The following PCDH15 variants were observed in gnomAD, a reference collection of about 807,000 sequenced individuals.
PCDH15 encodes the protein protocadherin related 15.
In PCDH15, 129 loss-of-function variants were observed where a neutral mutation model predicts 178.5. The observed-to-expected ratio is 0.72, with a 90% CI of 0.63 to 0.84. The LOEUF is 0.84. PCDH15 is among the 40% of genes least tolerant of loss of function. The pLI is 0.00. For synonymous variants in PCDH15, 800 were observed against 732.0 expected (o/e 1.09, Z -1.50); for missense variants, 2,230 against 2,099.9 (o/e 1.06, Z -1.21).
chr10:55,378,192 G>A (rs936266504), intron 2 of PCDH15, among the ~76,000 whole-genome samples: 1 of 152,040 alleles, frequency 6.6e-6, no homozygotes, highest in Non-Finnish European at 1.5e-5. Context: ...CTGTATCCCA[G>A]AACTTAAAGT....
At chr10:54,762,360 G>A (rs1425891822) in intron 1 of PCDH15, among the ~76,000 whole-genome samples, 2 of 152,012 alleles carry the variant, frequency 1.3e-5, no homozygotes, top group Non-Finnish European at 2.9e-5. Context: ...AATATGTTTA[G>A]GAAAACACAG....
intron 13 of PCDH15, among the ~76,000 whole-genome samples, chr10:54,164,894 C>T (rs2046065454): frequency 6.6e-6 from 1 of 152,144 alleles, no homozygotes; most frequent in South Asian, 2.1e-4. Context: ...TTAATTAAAG[C>T]TAAATCAACT....
intron 2 of PCDH15, among the ~76,000 whole-genome samples, chr10:55,442,608 T>C (rs1341513026): frequency 6.6e-6 from 1 of 150,494 alleles, no homozygotes; most frequent in East Asian, 1.9e-4. Context: ...CCTTTGTAGC[T>C]ATGACTCAGA....
chr10:53,837,955 ATTATTTAT>A (rs67884582), intron 29 of PCDH15, among the ~76,000 whole-genome samples: 15,867 of 146,514 alleles, frequency 0.11, 1,053 homozygotes, highest in African/African-American at 0.17. Context: ...ATAAACATAT[ATTATTTAT>A]TTATTTATTT....
At chr10:54,404,198 G>A (rs1314695931) in intron 3 of PCDH15, among the ~76,000 whole-genome samples, 2 of 151,342 alleles carry the variant, frequency 1.3e-5, no homozygotes, top group Non-Finnish European at 3.0e-5. Context: ...CCCAAAAAAG[G>A]ACCTGAATAG....
At chr10:54,431,856 C>A (rs1259657363) in intron 3 of PCDH15, among the ~76,000 whole-genome samples, 1 of 152,020 alleles carries the variant, frequency 6.6e-6, no homozygotes, top group Non-Finnish European at 1.5e-5. Flanking sequence ...TTTGGAAAAA[C>A]CTACAGACTC....
intron 2 of PCDH15, among the ~76,000 whole-genome samples, chr10:54,560,649 T>C (rs2088005995): frequency 6.6e-6 from 1 of 152,130 alleles, no homozygotes; most frequent in Non-Finnish European, 1.5e-5. Flanking sequence ...AGGTGTCAGC[T>C]GTATTTTCAT....
chr10:54,182,307 A>G (rs576632922), intron 13 of PCDH15, among the ~76,000 whole-genome samples: 2 of 152,260 alleles, frequency 1.3e-5, no homozygotes, highest in African/African-American at 4.8e-5. Context: ...ATTAATGCAA[A>G]GTTGGTGATG....
At chr10:55,303,948 C>T (rs1463622965) in intron 1 of PCDH15, among the ~76,000 whole-genome samples, 2 of 152,078 alleles carry the variant, frequency 1.3e-5, no homozygotes, top group South Asian at 2.1e-4. Context: ...TTTTGCACTT[C>T]ATTTTTTTTA....
intron 25 of PCDH15, among the ~76,000 whole-genome samples, chr10:53,911,157 C>T (rs906251050): frequency 1.3e-5 from 2 of 151,982 alleles, no homozygotes; most frequent in African/African-American, 2.4e-5. Context: ...TCAGGAAAAA[C>T]AGAGAACACC....
At chr10:55,039,213 G>C (rs11004695) in intron 2 of PCDH15, among the ~76,000 whole-genome samples, 9,322 of 151,918 alleles carry the variant, frequency 0.061, 397 homozygotes, top group African/African-American at 0.11. Flanking sequence ...AAAAAAGAGA[G>C]AAAGGTAAAA....
intron 1 of PCDH15, among the ~76,000 whole-genome samples, chr10:55,177,354 G>A (rs1564865505): frequency 6.6e-6 from 1 of 152,282 alleles, no homozygotes; most frequent in South Asian, 2.1e-4. Flanking sequence ...AGCCTTGTCT[G>A]AGGCATCAGC....
chr10:54,304,813 A>G (rs192400372), intron 8 of PCDH15, among the ~76,000 whole-genome samples: 66 of 152,154 alleles, frequency 4.3e-4, no homozygotes, highest in African/African-American at 8.2e-4. Flanking sequence ...ATGAACTAAC[A>G]TCACTTGGGA....
rs150023169 is a variant in PCDH15 at position 53,809,363 on chromosome 10, C to T, written c.4671+1193G>A. ...TGCCACTCTTCACCCTCAAGGTCAACGATTCCTCTTTTATCAGCTAATCCT... is the reference window on the plus strand; with the variant it reads ...TGCCACTCTTCACCCTCAAGGTCAATGATTCCTCTTTTATCAGCTAATCCT... On this transcript the variant is annotated intron_variant, in intron 37 of 37. Transcript: ENST00000644397. The T allele has an allele frequency of 2.9e-5, 46 of 1,613,970 alleles. No homozygotes were observed. Among genetic ancestry groups the T allele is most frequent in the East Asian group, 1.3e-4 (6 of 44,874 alleles).
intron 9 of PCDH15, among the ~76,000 whole-genome samples, chr10:54,232,311 T>G (rs2054158946): frequency 6.6e-6 from 1 of 152,156 alleles, no homozygotes; most frequent in Non-Finnish European, 1.5e-5. Flanking sequence ...AACTTCCCCT[T>G]CAGCCATGAT....
chr10:55,194,387 A>G (rs1034960421), intron 1 of PCDH15, among the ~76,000 whole-genome samples: 12 of 152,194 alleles, frequency 7.9e-5, no homozygotes, highest in African/African-American at 2.7e-4. Flanking sequence ...TAATAAATTC[A>G]TTTAATTCCA....
At chr10:54,356,977 A>T (rs868678246) in intron 5 of PCDH15, among the ~76,000 whole-genome samples, 2 of 152,196 alleles carry the variant, frequency 1.3e-5, no homozygotes, top group Admixed American at 6.6e-5. Context: ...ATGCTAAAAA[A>T]TCTCAATAAA....
In PCDH15 at chr10:54,519,129, G is replaced by A. The variant is rs539108212; in HGVS notation, c.157+8683C>T. Among the ~76,000 whole-genome samples, 923 of 152,240 alleles carry A rather than the reference G, an allele frequency of 6.1e-3. 7 individuals carry two copies. The highest frequency in any genetic ancestry group is 0.01 in the Middle Eastern group (3 of 294). ...CATACTGAATGGGCAAAAACTGGAA[G>A]CATTCCCTTTGAAAACTGGCACAAG... On this transcript the variant is annotated intron_variant, in intron 3 of 37. Coordinates refer to ENST00000644397, the MANE Select transcript of PCDH15 (RefSeq NM_001384140.1).
chr10:54,721,224 T>C (rs1941541399), intron 1 of PCDH15, among the ~76,000 whole-genome samples: 1 of 151,790 alleles, frequency 6.6e-6, no homozygotes, highest in South Asian at 2.1e-4. Flanking sequence ...AGCTCTGGGA[T>C]ACAACAAAGA....
Sources: allele counts gnomAD v4.1 joint callset (sites outside exome capture counted in the v4.1 genomes callset), GRCh38; gene constraint gnomAD v4.1.1; transcripts MANE v1.5; gene names NCBI Gene and HGNC (gene_info 2026-07-23, HGNC 2026-07-21).